The following CLASP1 variants were observed in gnomAD, a reference collection of about 807,000 sequenced individuals.
The protein encoded by CLASP1 is cytoplasmic linker associated protein 1.
CLASP1 carries 38 observed loss-of-function variants against 192.3 expected under a neutral mutation model. That is an observed-to-expected ratio of 0.20 (90% CI 0.15 to 0.26). The LOEUF (loss-of-function observed/expected upper bound fraction) is 0.26, where lower values mean the gene tolerates loss of function less well. Among genes scored for constraint, CLASP1 ranks in the 10% least tolerant of loss-of-function variants. CLASP1 has a pLI of 1.00. For synonymous variants in CLASP1, 691 were observed against 712.8 expected (o/e 0.97, Z 0.49); for missense variants, 1,433 against 1,932.5 (o/e 0.74, Z 4.85).
At chr2:121,549,063 G>A (rs900564578) in intron 2 of CLASP1, among the ~76,000 whole-genome samples, 2 of 152,182 alleles carry the variant, frequency 1.3e-5, no homozygotes, top group African/African-American at 4.8e-5. Flanking sequence ...AGAACACAAT[G>A]ACAGGATTAA....
At chr2:121,466,493 T>G (rs1234159176) in intron 9 of CLASP1, among the ~76,000 whole-genome samples, 1 of 152,158 alleles carries the variant, frequency 6.6e-6, no homozygotes, top group East Asian at 1.9e-4. Context: ...CAGCTTCATC[T>G]TTTTTGGCTC....
chr2:121,605,873 C>A (rs766102115), exon 2 of CLASP1: 2 of 1,613,802 alleles, frequency 1.2e-6, no homozygotes, highest in Non-Finnish European at 1.7e-6. Flanking sequence ...CTGCGCCAGG[C>A]AGGACTCCAT....
chr2:121,450,845 G>A, intron 16 of CLASP1, 68 bp downstream of exon 16: 2 of 1,134,898 alleles, frequency 1.8e-6, no homozygotes, highest in Non-Finnish European at 1.3e-6. Flanking sequence ...TTTTAATAAG[G>A]CAATCCTATA....
rs1056120637 is a variant in CLASP1 at position 121,430,063 on chromosome 2, T to C, written c.2017+10A>G. The C allele has an allele frequency of 1.9e-6, 3 of 1,547,124 alleles. No homozygotes were observed. Among genetic ancestry groups the C allele is most frequent in the Non-Finnish European group, 2.6e-6 (3 of 1,140,924 alleles). On this transcript the variant is annotated intron_variant, in intron 20 of 39. Transcript: ENST00000263710. The stretch of plus-strand genomic sequence containing the variant: ...CTGAGGTAAGCAAGAGCATAAAATA[T>C]GTTTCTTACGCTGGGACTGTGAAAC...
rs2059862531 is a variant in CLASP1, at chr2:121,570,183, T to A, written c.195+35518A>T. On this transcript the variant is annotated intron_variant, in intron 2 of 39. Coordinates refer to ENST00000263710, the Ensembl canonical transcript of CLASP1. Reference sequence around the variant, plus strand: ...CTGTTCTCTCCTCTCTCCCTCCTTCTTTCCCTCCCCACCCAACTCCCAAAG... The same window carrying A: ...CTGTTCTCTCCTCTCTCCCTCCTTCATTCCCTCCCCACCCAACTCCCAAAG... Among the ~76,000 whole-genome samples the A allele has an allele frequency of 5.9e-5, 9 of 152,208 alleles. 1 individual carries two copies. Among genetic ancestry groups the A allele is most frequent in the Admixed American group, 5.9e-4 (9 of 15,282 alleles).
exon 35 of CLASP1, chr2:121,367,689 C>A: frequency 6.2e-7 from 1 of 1,614,018 alleles, no homozygotes; most frequent in Non-Finnish European, 8.5e-7. Flanking sequence ...GTTGTAGTCT[C>A]GCGCCCGCGG....
chr2:121,570,096 C>CA (rs2059854098), intron 2 of CLASP1, among the ~76,000 whole-genome samples: 1 of 152,176 alleles, frequency 6.6e-6, no homozygotes, highest in Admixed American at 6.5e-5. Context: ...GGGGGGCATC[C>CA]AAGTGTCTAA....
intron 1 of CLASP1, among the ~76,000 whole-genome samples, chr2:121,642,498 G>A (rs1384277359): frequency 6.6e-6 from 1 of 151,952 alleles, no homozygotes; most frequent in Non-Finnish European, 1.5e-5. Flanking sequence ...TTGGGAGGCT[G>A]AGGCAGGTGG....
intron 8 of CLASP1, among the ~76,000 whole-genome samples, chr2:121,500,384 G>GAAAGAAAGA (rs1186795678): frequency 1.8e-5 from 2 of 110,046 alleles, no homozygotes; most frequent in Non-Finnish European, 3.7e-5. Flanking sequence ...AAGAAAGAAA[G>GAAAGAAAGA]AAAGAAAGAA....
At chr2:121,596,864 C>A (rs2063200722) in intron 2 of CLASP1, among the ~76,000 whole-genome samples, 1 of 152,180 alleles carries the variant, frequency 6.6e-6, no homozygotes, top group South Asian at 2.1e-4. Context: ...ACACTGTGCA[C>A]CGCCCTCTCA....
intron 1 of CLASP1, among the ~76,000 whole-genome samples, chr2:121,626,503 C>T (rs1157149594): frequency 6.6e-6 from 1 of 152,174 alleles, no homozygotes; most frequent in Non-Finnish European, 1.5e-5. Flanking sequence ...GCCTATTTTA[C>T]AGACAAGAAG....
At chr2:121,468,902 T>C (rs2090154668) in intron 9 of CLASP1, among the ~76,000 whole-genome samples, 2 of 152,126 alleles carry the variant, frequency 1.3e-5, no homozygotes, top group African/African-American at 2.4e-5. Flanking sequence ...TGGAGAGGGG[T>C]TGCGGTCATC....
chr2:121,402,442 A>T, intron 26 of CLASP1: 1 of 382,024 alleles, frequency 2.6e-6, no homozygotes, highest in Non-Finnish European at 5.1e-6. Context: ...ACAAACCACA[A>T]ACCCTATACC....
chr2:121,611,979 G>C (rs2065637349), intron 1 of CLASP1, among the ~76,000 whole-genome samples: 1 of 150,436 alleles, frequency 6.6e-6, no homozygotes, highest in Non-Finnish European at 1.5e-5. Context: ...AGGAGTTACA[G>C]GATAAAGTGG....
At chr2:121,479,193 G>A (rs1488830862) in intron 8 of CLASP1, among the ~76,000 whole-genome samples, 3 of 150,052 alleles carry the variant, frequency 2.0e-5, no homozygotes, top group African/African-American at 7.4e-5. Context: ...AGGGAAATCC[G>A]ACCAGAAAAA....
At chr2:121,612,915 G>A (rs2065849693) in intron 1 of CLASP1, among the ~76,000 whole-genome samples, 1 of 152,134 alleles carries the variant, frequency 6.6e-6, no homozygotes, top group African/African-American at 2.4e-5. Context: ...TTACAGCAGT[G>A]TTGACATCAA....
In CLASP1 at chr2:121,377,490, G is replaced by T. The variant is rs972064269; in HGVS notation, c.3642+9C>A. On this transcript the variant is annotated intron_variant, in intron 34 of 39. Coordinates refer to ENST00000263710, the Ensembl canonical transcript of CLASP1. ...ATACAGAGTTCTCTTTTAGCCTAGGGATACTTACAATATCACACTCCTTTT... is the reference window on the plus strand; with the variant it reads ...ATACAGAGTTCTCTTTTAGCCTAGGTATACTTACAATATCACACTCCTTTT... The T allele has an allele frequency of 6.3e-7, 1 of 1,597,176 alleles. No homozygotes were observed. Among genetic ancestry groups the T allele is most frequent in the Non-Finnish European group, 8.5e-7 (1 of 1,170,196 alleles).
chr2:121,483,494 G>T (rs10181503), intron 8 of CLASP1, among the ~76,000 whole-genome samples: 2 of 151,480 alleles, frequency 1.3e-5, no homozygotes, highest in Non-Finnish European at 2.9e-5. Context: ...ATATATATAT[G>T]TGTGTATATA....
chr2:121,384,864 G>A (rs1056327626), intron 32 of CLASP1, among the ~76,000 whole-genome samples: 2 of 152,198 alleles, frequency 1.3e-5, no homozygotes, highest in Non-Finnish European at 2.9e-5. Flanking sequence ...CTGGGTGACA[G>A]AGTGAGACTT....
Sources: gnomAD v4.1 joint callset for allele counts (sites outside exome capture counted in the v4.1 genomes callset) on GRCh38, gnomAD v4.1.1 for gene constraint, MANE v1.5 for transcripts, NCBI Gene and HGNC (gene_info 2026-07-23, HGNC 2026-07-21) for gene names.